MMD2: variants seen among roughly 807,000 people sequenced by gnomAD.
The protein encoded by MMD2 is monocyte to macrophage differentiation factor 2.
A neutral mutation model predicts 33.5 loss-of-function variants in MMD2; 30 were observed. The observed-to-expected ratio is 0.90, with a 90% CI of 0.67 to 1.22. MMD2 has a LOEUF of 1.22. Among genes scored for constraint, MMD2 ranks in the 50% most tolerant of loss-of-function variants. MMD2 has a pLI of 0.00. For missense variants in MMD2, 364 were observed against 325.4 expected (o/e 1.12, Z -0.91); for synonymous variants, 129 against 123.0 (o/e 1.05, Z -0.32).
At chr7:4,926,955 AG>A (rs1391432458) in intron 1 of MMD2, among the ~76,000 whole-genome samples, 1 of 151,480 alleles carries the variant, frequency 6.6e-6, no homozygotes, top group Non-Finnish European at 1.5e-5. Flanking sequence ...TGTTTTAGCC[AG>A]GATGGTCTCG....
In MMD2 at chr7:4,946,481, G is replaced by A. The variant is rs1323815066; in HGVS notation, c.47+12490C>T. Among the ~76,000 whole-genome samples, 2 of 152,144 alleles carry A rather than the reference G, an allele frequency of 1.3e-5. No individual in the cohort carries two copies. Among genetic ancestry groups the A allele is most frequent in the African/African-American group, 4.8e-5 (2 of 41,430 alleles). On this transcript the variant is annotated intron_variant, in intron 1 of 6. Transcript: ENST00000401401. The surrounding 1 kb of genome is among the most constrained non-coding windows in gnomAD (Gnocchi z 5.0). ...GGGGTGCAGAGTCTTCACTAAGGGA[G>A]GATCTTGAAAAAGCATAAAATTGCA... is the stretch of plus-strand genomic sequence containing the variant.
At chr7:4,958,441 A>T (rs1562500100) in intron 1 of MMD2, among the ~76,000 whole-genome samples, 1 of 152,158 alleles carries the variant, frequency 6.6e-6, no homozygotes, top group African/African-American at 2.4e-5. Flanking sequence ...AAAGACCAGG[A>T]TGTACAGGTG....
intron 1 of MMD2, among the ~76,000 whole-genome samples, chr7:4,949,620 T>G (rs1308035894): frequency 6.6e-6 from 1 of 151,958 alleles, no homozygotes; most frequent in Admixed American, 6.6e-5. Flanking sequence ...CAAGCAATTC[T>G]CCTGCCTCAG....
intron 6 of MMD2, among the ~76,000 whole-genome samples, 186 bp from the exon 7 acceptor site, chr7:4,907,785 C>T (rs561859638): frequency 1.3e-5 from 2 of 152,306 alleles, no homozygotes; most frequent in South Asian, 4.1e-4. Flanking sequence ...AGATGATAGA[C>T]ATTCTCATTT....
At chr7:4,948,125 C>T (rs913158546) in intron 1 of MMD2, among the ~76,000 whole-genome samples, 31 of 152,188 alleles carry the variant, frequency 2.0e-4, no homozygotes, top group Admixed American at 2.0e-3. Flanking sequence ...GCCCCACATC[C>T]AACATCGGGG....
At chr7:4,897,096 G>T in the MMD2 span, among the ~76,000 whole-genome samples, 102 of 152,056 alleles carry the variant, frequency 6.7e-4, no homozygotes, top group Non-Finnish European at 1.3e-3. Context: ...CAGACCTCAA[G>T]TTATCCCCCT....
intron 2 of MMD2, among the ~76,000 whole-genome samples, chr7:4,923,682 C>A (rs569680106): frequency 6.6e-6 from 1 of 152,260 alleles, no homozygotes; most frequent in African/African-American, 2.4e-5. Context: ...GATTCTCTCA[C>A]CCAAGCCTCA....
downstream of MMD2, among the ~76,000 whole-genome samples, chr7:4,904,375 C>A (rs1354603384): frequency 6.6e-6 from 1 of 152,126 alleles, no homozygotes; most frequent in African/African-American, 2.4e-5. Flanking sequence ...AGGGTCTGGG[C>A]TTGGGTGAAA....
intron 1 of MMD2, among the ~76,000 whole-genome samples, chr7:4,941,885 T>C (rs374942016): frequency 1.3e-5 from 2 of 150,778 alleles, no homozygotes; most frequent in East Asian, 2.1e-4. Flanking sequence ...CAAAATAATC[T>C]GCATGCCAAA....
chr7:4,905,839 G>C (rs1784856846), downstream of MMD2: 1 of 152,714 alleles, frequency 6.5e-6, no homozygotes, highest in South Asian at 2.1e-4. The surrounding 1 kb of genome is among the most constrained non-coding windows in gnomAD (Gnocchi z 5.0). Context: ...ACCGAAGACA[G>C]CTTCCAGGCA....
chr7:4,911,634 T>C (rs562906765), intron 4 of MMD2, among the ~76,000 whole-genome samples: 1 of 151,578 alleles, frequency 6.6e-6, no homozygotes, highest in South Asian at 2.1e-4. Flanking sequence ...TTATTTTATT[T>C]ATTTTATTTT....
At chr7:4,893,607 C>A in the MMD2 span, among the ~76,000 whole-genome samples, 2 of 151,786 alleles carry the variant, frequency 1.3e-5, no homozygotes, top group Non-Finnish European at 2.9e-5. Flanking sequence ...GGTCAGGCTG[C>A]TCTTGAACTC....
chr7:4,957,646 T>C (rs542088331), intron 1 of MMD2, among the ~76,000 whole-genome samples: 3 of 132,020 alleles, frequency 2.3e-5, no homozygotes, highest in East Asian at 4.4e-4. Context: ...CGAGACTCCA[T>C]CTCAGAAAAA....
intron 1 of MMD2, among the ~76,000 whole-genome samples, chr7:4,929,602 G>A (rs1785522349): frequency 6.6e-6 from 1 of 151,900 alleles, no homozygotes; most frequent in Non-Finnish European, 1.5e-5. Flanking sequence ...TTGGCTCACT[G>A]CAACCTCTGC....
At chr7:4,914,336 G>C (rs1425805042) in intron 4 of MMD2, among the ~76,000 whole-genome samples, 2 of 152,192 alleles carry the variant, frequency 1.3e-5, no homozygotes, top group East Asian at 3.9e-4. Context: ...GCCACATTCA[G>C]AAGCCAGCTT....
At chr7:4,958,754 A>G (rs1038420326) in intron 1 of MMD2, among the ~76,000 whole-genome samples, 10 of 152,162 alleles carry the variant, frequency 6.6e-5, no homozygotes, top group African/African-American at 2.4e-4. Flanking sequence ...GACTTGCCCA[A>G]TGGCACCCAG....
chr7:4,921,305 T>C (rs141184288), intron 2 of MMD2, among the ~76,000 whole-genome samples: 2 of 152,080 alleles, frequency 1.3e-5, no homozygotes, highest in African/African-American at 2.4e-5. Flanking sequence ...CCAGGTACCA[T>C]TCAGCTTGTA....
intron 6 of MMD2, 86 bp from the exon 7 acceptor site, chr7:4,907,685 CAA>C: frequency 7.2e-7 from 1 of 1,387,694 alleles, no homozygotes; most frequent in Non-Finnish European, 1.0e-6. Flanking sequence ...CACCCAAAAC[CAA>C]AAGACATGCA....
At chr7:4,937,505 G>C (rs578088305) in intron 1 of MMD2, among the ~76,000 whole-genome samples, 1 of 152,202 alleles carries the variant, frequency 6.6e-6, no homozygotes, top group South Asian at 2.1e-4. Context: ...ATTTTTTGCT[G>C]TTTTGTTTTT....
Sources: gnomAD v4.1 joint callset for allele counts (sites outside exome capture counted in the v4.1 genomes callset) on GRCh38, gnomAD v4.1.1 for gene constraint, Gnocchi (gnomAD v3.1) non-coding constraint, MANE v1.5 for transcripts, NCBI Gene and HGNC (gene_info 2026-07-23, HGNC 2026-07-21) for gene names.